The following BTNL9 variants were observed in gnomAD, a reference collection of about 807,000 sequenced individuals.
BTNL9 encodes butyrophilin-like protein 9.
Under a neutral mutation model 45.8 loss-of-function variants are expected in BTNL9, and 45 were observed. The observed-to-expected ratio is 0.98, with a 90% confidence interval of 0.77 to 1.26. The LOEUF is 1.26. Among genes scored for constraint, BTNL9 ranks in the 50% most tolerant of loss-of-function variants. BTNL9 has a pLI of 0.00. For missense variants in BTNL9, 784 were observed against 729.7 expected, an observed-to-expected ratio of 1.07 and a Z score of -0.86; for synonymous variants, 346 against 330.8, an observed-to-expected ratio of 1.05 and a Z score of -0.50.
chr5:181,058,229 T>A (rs1761982502), intron 9 of BTNL9, 123 bp from the exon 10 acceptor site: 3 of 1,168,356 alleles, frequency 2.6e-6, no homozygotes, highest in Non-Finnish European at 3.8e-6. Context: ...AAACCAGTTG[T>A]CACAGTGGGA....
In BTNL9 at chr5:181,059,338, G is replaced by A; in HGVS notation, c.1084G>A (p.Gly362Ser). Reference sequence around the variant, plus strand: ...CGGGGCGCCGCCAGGCCCGGCGCCTGGCCACCCGCAGCGGTTCTCGGAGCA... The same window carrying A: ...CGGGGCGCCGCCAGGCCCGGCGCCTAGCCACCCGCAGCGGTTCTCGGAGCA... ...SRGAPPGPAP[G>S]HPQRFSEQTC... The change falls in exon 11 of 11, where the codon GGC (glycine) becomes AGC (serine). Residue 362 changes from glycine (G) to serine (S), a missense_variant. Coordinates refer to ENST00000327705, the MANE Select transcript of BTNL9 (RefSeq NM_152547.5). 1.3e-6 allele frequency: 2 copies of A among 1,547,358 alleles called. No homozygotes were observed. Among genetic ancestry groups the A allele is most frequent in the South Asian group, 1.2e-5 (1 of 84,492 alleles).
Position 181,055,907 on chromosome 5 carries a change from G to A in BTNL9, c.929-82G>A, listed in dbSNP as rs1033221963. 1.9e-6 allele frequency: 3 copies of A among 1,542,678 alleles called. No homozygotes were observed. In the African/African-American group the frequency reaches 4.1e-5, roughly 21 times the overall value. On this transcript the variant is annotated intron_variant, in intron 8 of 10. Coordinates refer to ENST00000327705, the MANE Select transcript of BTNL9 (RefSeq NM_152547.5). The surrounding 1 kb of genome is among the most constrained non-coding windows in gnomAD (Gnocchi z 4.4). Reference sequence around the variant, plus strand: ...GTGGGTGGTGGGGGGTGCGGGACAGGGTGGGTGCAAGATGTGATGTGTGAG... The same window carrying A: ...GTGGGTGGTGGGGGGTGCGGGACAGAGTGGGTGCAAGATGTGATGTGTGAG...
chr5:181,047,885 TGGA>T, intron 2 of BTNL9, 39 bp from the exon 3 acceptor site: 2 of 1,546,012 alleles, frequency 1.3e-6, no homozygotes, highest in Non-Finnish European at 1.8e-6. Flanking sequence ...TTTTAAAAAT[TGGA>T]TGAGGGTTGC....
At position 181,059,902 on chromosome 5, in the gene BTNL9, C is replaced by G. The variant is rs1411346816; in HGVS notation, c.*40C>G. ...CGCGGGACTGGCCCCGGGGGGCCCC[C>G]TGGATCCCAGGCCAGCGCTTTGCTC... On this transcript the variant is annotated 3_prime_UTR_variant, in exon 11 of 11. Transcript: ENST00000327705. 1.4e-6 allele frequency: 2 copies of G among 1,472,446 alleles called. No individual in the cohort carries two copies. The highest frequency in any genetic ancestry group is 1.4e-5 in the African/African-American group (1 of 71,402). 91.2% of individuals were successfully genotyped at this position (1,472,446 alleles called of 1,614,324 possible).
Position 181,053,791 on chromosome 5 carries a change from G to A in BTNL9, c.886+290G>A. On this transcript the variant is annotated intron_variant, in intron 6 of 10. Coordinates refer to ENST00000327705, the MANE Select transcript of BTNL9 (RefSeq NM_152547.5). The surrounding 1 kb of genome is among the most constrained non-coding windows in gnomAD (Gnocchi z 6.5). ...CTTCACATCACACTGTACAGAGGGAGCGGTGACCAGGGTCTCTGCTGCCAG... is the reference window on the plus strand; with the variant it reads ...CTTCACATCACACTGTACAGAGGGAACGGTGACCAGGGTCTCTGCTGCCAG... 4 of 1,523,332 alleles carry A rather than the reference G, an allele frequency of 2.6e-6. No individual in the cohort carries two copies. The highest frequency in any genetic ancestry group is 3.5e-6 in the Non-Finnish European group (4 of 1,138,644). The allele number at this position is 1,523,332 out of a possible 1,614,324, so 94.4% of individuals were successfully genotyped here. A position where few individuals can be genotyped will look rare whatever the true frequency, so the allele number is the denominator to read the frequency against.
intron 9 of BTNL9, among the ~76,000 whole-genome samples, chr5:181,058,021 C>T (rs1016026161): frequency 4.6e-5 from 7 of 152,184 alleles, no homozygotes; most frequent in African/African-American, 1.7e-4. Context: ...CCTGGCGGGT[C>T]AGAGGCTGAG....
intron 2 of BTNL9, 90 bp from the exon 3 acceptor site, chr5:181,047,837 A>T: frequency 8.9e-7 from 1 of 1,127,478 alleles, no homozygotes; most frequent in Non-Finnish European, 1.3e-6. Context: ...TTTATGGTTT[A>T]CTGTAGATTC....
chr5:181,056,854 G>T, intron 9 of BTNL9: 2 of 485,194 alleles, frequency 4.1e-6, no homozygotes, highest in Non-Finnish European at 7.3e-6. Context: ...TTGTTCTTTA[G>T]GTTTGCAACC....
chr5:181,056,028 C>T lies in BTNL9; in HGVS notation c.955+13C>T. ...GAAGGCCAGGCTGGTGAGTGGAACC[C>T]ATCTCTCTCTGACTCCTCCTCATTT... On this transcript the variant is annotated intron_variant, in intron 9 of 10. Transcript: ENST00000327705. 2 of 1,614,038 alleles carry T rather than the reference C, an allele frequency of 1.2e-6. No individual in the cohort carries two copies. The highest frequency in any genetic ancestry group is 1.1e-5 in the South Asian group (1 of 91,072).
intron 3 of BTNL9, among the ~76,000 whole-genome samples, chr5:181,048,715 ATATATATATATC>A (rs1003112405): frequency 7.6e-6 from 1 of 132,134 alleles, no homozygotes; most frequent in African/African-American, 3.0e-5. Flanking sequence ...GTCTTGAAAT[ATATATATATATC>A]TATATATATA....
At chr5:181,045,395 A>C in intron 1 of BTNL9, 72 bp from the exon 2 acceptor site, 1 of 796,542 alleles carries the variant, frequency 1.3e-6, no homozygotes, top group Non-Finnish European at 2.2e-6. Context: ...AACAGACTTC[A>C]GGTCTGATGG....
Position 181,050,203 on chromosome 5 carries a change from G to T in BTNL9, c.570G>T (p.Gln190His). The change falls in exon 4 of 11, where the codon CAG (glutamine) becomes CAT (histidine). Residue 190 changes from glutamine to histidine, a missense_variant. Coordinates refer to ENST00000327705, the MANE Select transcript of BTNL9 (RefSeq NM_152547.5). The surrounding 1 kb of genome is among the most constrained non-coding windows in gnomAD (Gnocchi z 4.9). ...PKPKVQWRDH[Q>H]GQCLPPEFEA... is the part of the protein sequence containing the mutation. ...CTAAGGTTCAGTGGAGAGACCACCAGGGACAGTGCCTGCCTCCAGAGTTTG... is the reference window on the plus strand; with the variant it reads ...CTAAGGTTCAGTGGAGAGACCACCATGGACAGTGCCTGCCTCCAGAGTTTG... The T allele has an allele frequency of 6.2e-7, 1 of 1,614,104 alleles. No individual in the cohort carries two copies. Among genetic ancestry groups the T allele is most frequent in the Non-Finnish European group, 8.5e-7 (1 of 1,180,038 alleles).
chr5:181,053,639 A>G lies in BTNL9; in HGVS notation c.886+138A>G. ...GGCCACCGGGGAACGGGGATCGGTG[A>G]CCCCGGTGGGGAAGGGGGAAGATCG... On this transcript the variant is annotated intron_variant, in intron 6 of 10. Transcript: ENST00000327705. The surrounding 1 kb of genome is among the most constrained non-coding windows in gnomAD (Gnocchi z 6.5). 1 of 1,542,210 alleles carries G rather than the reference A, an allele frequency of 6.5e-7. No individual in the cohort carries two copies. Among genetic ancestry groups the G allele is most frequent in the Non-Finnish European group, 8.8e-7 (1 of 1,141,984 alleles).
At chr5:181,045,444 A>G in intron 1 of BTNL9, 23 bp from the exon 2 acceptor site, 1 of 1,311,258 alleles carries the variant, frequency 7.6e-7, no homozygotes. Context: ...ACGTCGCTCC[A>G]GCACCCCTTT....
In BTNL9 at chr5:181,053,958, C is replaced by T. The variant is rs984922666; in HGVS notation, c.887-281C>T. 1.3e-6 allele frequency: 2 copies of T among 1,526,102 alleles called. No homozygotes were observed. The highest frequency in any genetic ancestry group is 1.8e-6 in the Non-Finnish European group (2 of 1,140,510). The allele number at this position is 1,526,102 out of a possible 1,614,324, so 94.5% of individuals were successfully genotyped here. Reference sequence around the variant, plus strand: ...AGTGTCCGGGGCTTAACGTTTCCGCCGAGCTAATAGATTTGGGAGGCTCCG... The same window carrying T: ...AGTGTCCGGGGCTTAACGTTTCCGCTGAGCTAATAGATTTGGGAGGCTCCG... On this transcript the variant is annotated intron_variant, in intron 6 of 10. Transcript: ENST00000327705. The surrounding 1 kb of genome is among the most constrained non-coding windows in gnomAD (Gnocchi z 6.5).
chr5:181,051,021 G>T (rs1761502025), intron 4 of BTNL9, among the ~76,000 whole-genome samples: 1 of 123,802 alleles, frequency 8.1e-6, no homozygotes, highest in Admixed American at 8.1e-5. Context: ...GGGGGGCAGA[G>T]GTTGCAGTGA....
intron 1 of BTNL9, among the ~76,000 whole-genome samples, chr5:181,043,004 AC>A (rs947317051): frequency 5.9e-5 from 9 of 151,832 alleles, no homozygotes; most frequent in African/African-American, 2.2e-4. Flanking sequence ...GTGGAACCCC[AC>A]CCCACCACTC....
chr5:181,052,687 C>G (rs1761609773), intron 4 of BTNL9: 1 of 152,176 alleles, frequency 6.6e-6, no homozygotes, highest in South Asian at 2.1e-4. Context: ...GCGGGTCCTC[C>G]CTGGGGAGCC....
In BTNL9 at chr5:181,055,100, G is replaced by C. The variant is rs1188566182; in HGVS notation, c.908-333G>C. ...AGGCGGCCCTCAGTGCCTGCACTTA[G>C]GCGGGAGCTCCGCCCCAGGAAGCTT... is the stretch of plus-strand genomic sequence containing the variant. On this transcript the variant is annotated intron_variant, in intron 7 of 10. Coordinates refer to ENST00000327705, the MANE Select transcript of BTNL9 (RefSeq NM_152547.5). This position sits in a 1 kb window ranked among gnomAD's most constrained non-coding sequence, Gnocchi z 4.4. 8.8e-7 allele frequency: 1 copy of C among 1,131,122 alleles called. No individual in the cohort carries two copies. The highest frequency in any genetic ancestry group is 4.8e-5 in the East Asian group (1 of 20,836). The allele number at this position is 1,131,122 out of a possible 1,614,324, so 70.1% of individuals were successfully genotyped here. A position where few individuals can be genotyped will look rare whatever the true frequency, so the allele number is the denominator to read the frequency against.
Sources: gnomAD v4.1 joint callset for allele counts (sites outside exome capture counted in the v4.1 genomes callset) on GRCh38, gnomAD v4.1.1 for gene constraint, Gnocchi (gnomAD v3.1) non-coding constraint, MANE v1.5 for transcripts, NCBI Gene and HGNC (gene_info 2026-07-23, HGNC 2026-07-21) for gene names.